The following PARN variants were observed in gnomAD, a reference collection of about 807,000 sequenced individuals.
The protein encoded by PARN is poly(A)-specific ribonuclease PARN.
Under a neutral mutation model 102.8 loss-of-function variants are expected in PARN, and 71 were observed. The observed-to-expected ratio is 0.69, with a 90% CI of 0.57 to 0.84. The LOEUF is 0.84. PARN is among the 40% of genes least tolerant of loss of function. The pLI, the probability that PARN is intolerant of heterozygous loss-of-function variation, is 0.00. For missense variants in PARN, 782 were observed against 760.9 expected (o/e 1.03, Z -0.33); for synonymous variants, 261 against 252.9 (o/e 1.03, Z -0.30).
chr16:14,613,495 C>T lies in PARN; in HGVS notation c.389-2686G>A, dbSNP rs146363778. Among the ~76,000 whole-genome samples, 364 of 151,788 alleles carry T rather than the reference C, an allele frequency of 2.4e-3. 3 individuals are homozygous for T. The highest frequency in any genetic ancestry group is 0.018 in the South Asian group (86 of 4,794). On this transcript the variant is annotated intron_variant, in intron 6 of 23. Transcript: ENST00000437198. ...AAAATTTGCCACGCGTGGTGCCACG[C>T]GCCTATAGTCCCAGGTACTCAGGAG...
chr16:14,436,543 A>G lies in PARN; in HGVS notation c.*174T>C, dbSNP rs1176143081. 1 of 609,918 alleles carries G rather than the reference A, an allele frequency of 1.6e-6. No homozygotes were observed. Among genetic ancestry groups the G allele is most frequent in the Non-Finnish European group, 2.9e-6 (1 of 341,546 alleles). The allele number at this position is 609,918 out of a possible 1,614,324, so 37.8% of individuals were successfully genotyped here. Reference sequence around the variant, plus strand: ...AACAGGCAGTTAGATTAAAAAGGGGAAAAAACCACAGCCACAAAAATAAAA... The same window carrying G: ...AACAGGCAGTTAGATTAAAAAGGGGGAAAAACCACAGCCACAAAAATAAAA... On this transcript the variant is annotated 3_prime_UTR_variant, in exon 24 of 24. Coordinates refer to ENST00000437198, the MANE Select transcript of PARN (RefSeq NM_002582.4).
intron 7 of PARN, among the ~76,000 whole-genome samples, chr16:14,609,507 G>C (rs915472507): frequency 2.6e-5 from 4 of 152,080 alleles, no homozygotes; most frequent in Non-Finnish European, 5.9e-5. Context: ...GGAAGTTGAG[G>C]CTGCAGTGAG....
At chr16:14,535,658 CTACAG>C (rs2151678601) in intron 21 of PARN, among the ~76,000 whole-genome samples, 1 of 152,282 alleles carries the variant, frequency 6.6e-6, no homozygotes, top group Non-Finnish European at 1.5e-5. Context: ...AGTTTGTTTC[CTACAG>C]TAGAGTATGA....
intron 5 of PARN, among the ~76,000 whole-genome samples, chr16:14,617,883 T>A (rs1484702399): frequency 2.0e-5 from 3 of 152,250 alleles, no homozygotes; most frequent in African/African-American, 7.2e-5. Flanking sequence ...TTCACAATTT[T>A]TTTTTTATAG....
chr16:14,529,661 T>C (rs1233073822), intron 21 of PARN, among the ~76,000 whole-genome samples: 1 of 152,120 alleles, frequency 6.6e-6, no homozygotes, highest in Admixed American at 6.5e-5. Context: ...TGGCCAGCAA[T>C]AAAGTATCAG....
At chr16:14,503,533 C>T (rs1410365140) in intron 21 of PARN, among the ~76,000 whole-genome samples, 1 of 152,166 alleles carries the variant, frequency 6.6e-6, no homozygotes, top group East Asian at 1.9e-4. Context: ...CCCTACCTAC[C>T]TGTGGACACA....
intron 23 of PARN, among the ~76,000 whole-genome samples, chr16:14,441,832 CT>C (rs1256724596): frequency 1.6e-4 from 24 of 152,312 alleles, no homozygotes; most frequent in Non-Finnish European, 2.2e-4. Context: ...TTGTTTCTGA[CT>C]TTAAGGAGAC....
chr16:14,494,161 G>T (rs887936882), intron 21 of PARN, among the ~76,000 whole-genome samples: 5 of 152,158 alleles, frequency 3.3e-5, no homozygotes, highest in Non-Finnish European at 4.4e-5. Context: ...GAGAATTTTG[G>T]TATACTCAGG....
chr16:14,627,204 GGA>G lies in PARN; in HGVS notation c.246-19_246-18del. On this transcript the variant is annotated intron_variant, in intron 4 of 23. Coordinates refer to ENST00000437198, the MANE Select transcript of PARN (RefSeq NM_002582.4). Reference sequence around the variant, plus strand: ...GTTATATACCTGGGATAAGATAAAAGGAGACTTAGGAGGTGACATTGTGCCAC... The same window carrying G: ...GTTATATACCTGGGATAAGATAAAAGGACTTAGGAGGTGACATTGTGCCAC... The G allele has an allele frequency of 6.4e-7, 1 of 1,573,476 alleles. No homozygotes were observed. The highest frequency in any genetic ancestry group is 8.7e-7 in the Non-Finnish European group (1 of 1,147,814).
chr16:14,555,029 G>A (rs1002962292), intron 19 of PARN, among the ~76,000 whole-genome samples: 13 of 152,192 alleles, frequency 8.5e-5, no homozygotes, highest in Non-Finnish European at 1.0e-4. Context: ...TTGTGAGAAT[G>A]ACAGACCAAA....
chr16:14,448,302 C>A (rs1224519264), intron 22 of PARN, among the ~76,000 whole-genome samples: 1 of 152,192 alleles, frequency 6.6e-6, no homozygotes, highest in Non-Finnish European at 1.5e-5. Context: ...GCATGCACCA[C>A]GAAGTCTGGC....
intron 21 of PARN, among the ~76,000 whole-genome samples, chr16:14,492,208 G>A (rs528907968): frequency 3.9e-5 from 6 of 152,338 alleles, no homozygotes; most frequent in Admixed American, 1.3e-4. Context: ...TCTGAGCCCC[G>A]TAAAGGGGAC....
intron 18 of PARN, 93 bp downstream of exon 18, chr16:14,580,781 T>C (rs982147221): frequency 7.1e-6 from 5 of 704,598 alleles, no homozygotes; most frequent in Non-Finnish European, 1.3e-5. Context: ...TAAAAATGTG[T>C]TATAGCTCCC....
intron 22 of PARN, among the ~76,000 whole-genome samples, chr16:14,459,219 G>A (rs1175274963): frequency 6.6e-6 from 1 of 152,272 alleles, no homozygotes; most frequent in East Asian, 1.9e-4. Context: ...TTGTACTGGG[G>A]AGATAAATGC....
At chr16:14,521,556 T>C (rs1226617954) in intron 21 of PARN, among the ~76,000 whole-genome samples, 1 of 152,184 alleles carries the variant, frequency 6.6e-6, no homozygotes, top group African/African-American at 2.4e-5. Context: ...CCCAGCACTT[T>C]GGGAGGCTGC....
intron 6 of PARN, among the ~76,000 whole-genome samples, chr16:14,615,932 A>T (rs1971870681): frequency 6.6e-6 from 1 of 151,728 alleles, no homozygotes; most frequent in African/African-American, 2.4e-5. Flanking sequence ...CCAATATGGC[A>T]TGGGTACTAA....
chr16:14,629,764 G>T lies in PARN; in HGVS notation c.20-90C>A, dbSNP rs773232238. On this transcript the variant is annotated intron_variant, in intron 1 of 23. Coordinates refer to ENST00000437198, the MANE Select transcript of PARN (RefSeq NM_002582.4). ...GGAGGGCCGAGGAGCTCCCGAGGCT[G>T]AGAGCCGGAAGGGGAAAAGTCCCGG... 11 of 992,878 alleles carry T rather than the reference G, an allele frequency of 1.1e-5. No homozygotes were observed. The South Asian group carries it at 1.4e-4, about 13-fold the overall frequency. The allele number at this position is 992,878 out of a possible 1,614,324, so 61.5% of individuals were successfully genotyped here.
chr16:14,478,558 C>CT, intron 22 of PARN, among the ~76,000 whole-genome samples: 1 of 152,154 alleles, frequency 6.6e-6, no homozygotes. Context: ...TCCACTCTCT[C>CT]TATTTCTACT....
chr16:14,583,882 T>G (rs977562227), intron 16 of PARN, among the ~76,000 whole-genome samples: 3 of 152,190 alleles, frequency 2.0e-5, no homozygotes, highest in African/African-American at 7.2e-5. Flanking sequence ...TGCTGCTGTT[T>G]CTACTCTCTA....
Sources: gnomAD v4.1 joint callset for allele counts (sites outside exome capture counted in the v4.1 genomes callset) on GRCh38, gnomAD v4.1.1 for gene constraint, MANE v1.5 for transcripts, NCBI Gene and HGNC (gene_info 2026-07-23, HGNC 2026-07-21) for gene names.